The following OIT3 variants were observed in gnomAD, a reference collection of about 807,000 sequenced individuals.
OIT3 encodes oncoprotein-induced transcript 3 protein.
Under a neutral mutation model 52.2 loss-of-function variants are expected in OIT3, and 41 were observed. The observed-to-expected ratio is 0.79, with a 90% CI of 0.61 to 1.02. The LOEUF (loss-of-function observed/expected upper bound fraction) is 1.02. OIT3 is among the 50% of genes least tolerant of loss of function. The probability of loss-of-function intolerance (pLI) is 0.00; values close to 1 mark genes in which losing one functional copy is unlikely to be tolerated. For missense variants in OIT3, 634 were observed against 715.5 expected, an observed-to-expected ratio of 0.89 and a Z score of 1.30; for synonymous variants, 244 against 276.9, an observed-to-expected ratio of 0.88 and a Z score of 1.18.
chr10:72,905,633 A>T (rs1163506498), intron 3 of OIT3, among the ~76,000 whole-genome samples: 1 of 152,188 alleles, frequency 6.6e-6, no homozygotes, highest in African/African-American at 2.4e-5. Flanking sequence ...CTCAGCTTCA[A>T]GTTTCCCCAT....
intron 7 of OIT3, 35 bp from the exon 8 acceptor site, chr10:72,930,503 A>AATC: frequency 2.0e-6 from 3 of 1,468,446 alleles, no homozygotes; most frequent in Non-Finnish European, 2.9e-6. Flanking sequence ...CTGTTGAAAC[A>AATC]ATCAAGTCTT....
chr10:72,926,845 T>C (rs1316196237), intron 7 of OIT3, among the ~76,000 whole-genome samples: 1 of 152,196 alleles, frequency 6.6e-6, no homozygotes, highest in Non-Finnish European at 1.5e-5. Flanking sequence ...TTTTTACTTT[T>C]TTTAAAAAAT....
intron 6 of OIT3, chr10:72,918,366 A>C (rs759842414): frequency 3.9e-6 from 3 of 769,142 alleles, no homozygotes; most frequent in Non-Finnish European, 7.1e-6. Context: ...AACAATGTGC[A>C]ATTCGTCCTT....
chr10:72,931,272 C>T lies in OIT3; in HGVS notation c.1467+635C>T, dbSNP rs575368179. Among the ~76,000 whole-genome samples, 11 of 152,210 alleles carry T rather than the reference C, an allele frequency of 7.2e-5. No homozygotes were observed. The South Asian group carries it at 1.5e-3, about 20-fold the overall frequency. On this transcript the variant is annotated intron_variant, in intron 8 of 8. Coordinates refer to ENST00000334011, the MANE Select transcript of OIT3 (RefSeq NM_152635.3). ...AAACAAAACAGAGGCAGGAGAATTG[C>T]CTGAAGCCAGGAGTTTGAGACCAGC... is the stretch of plus-strand genomic sequence containing the variant.
intron 6 of OIT3, chr10:72,918,266 C>G: frequency 1.3e-6 from 1 of 798,418 alleles, no homozygotes; most frequent in Non-Finnish European, 2.2e-6. Context: ...TTTCAAAGCC[C>G]CCAAGAGAAA....
chr10:72,899,595 CAAAAA>C (rs57434990), intron 2 of OIT3, among the ~76,000 whole-genome samples: 2 of 88,972 alleles, frequency 2.2e-5, no homozygotes, highest in Non-Finnish European at 5.8e-5. Flanking sequence ...GACTCTGATT[CAAAAA>C]AAAAAAAAAA....
chr10:72,913,656 T>C (rs1445315927), intron 6 of OIT3, 188 bp downstream of exon 6: 2 of 688,558 alleles, frequency 2.9e-6, no homozygotes, highest in African/African-American at 3.5e-5. Flanking sequence ...GTCCTGGCAC[T>C]GTGAAGAATT....
Position 72,918,542 on chromosome 10 carries a change from C to T in OIT3, c.951+5074C>T, listed in dbSNP as rs189306800. ...GTCCATCGAATCTTCCATCGGGTGG[C>T]GGCACACACTTAGGTGGGAGAGAAG... is the stretch of plus-strand genomic sequence containing the variant. On this transcript the variant is annotated intron_variant, in intron 6 of 8. Transcript: ENST00000334011. The T allele has an allele frequency of 9.0e-5, 122 of 1,350,902 alleles. 2 individuals carry two copies. Among genetic ancestry groups the T allele is most frequent in the Admixed American group, 2.2e-4 (13 of 59,282 alleles). The allele number at this position is 1,350,902 out of a possible 1,614,324, so 83.7% of individuals were successfully genotyped here. A position where few individuals can be genotyped will look rare whatever the true frequency, so the allele number is the denominator to read the frequency against.
Position 72,924,495 on chromosome 10 carries a change from T to C in OIT3, c.1218T>C (p.Ala406=). Residue 406 remains alanine (A), a synonymous_variant, in exon 7 of 9, where the codon GCT becomes GCC. Coordinates refer to ENST00000334011, the MANE Select transcript of OIT3 (RefSeq NM_152635.3). ...DNEFEEPYRE[A]LPTLKLRDSL... ...AGTTTGAAGAGCCTTACCGGGAAGC[T>C]CTGCCCACCCTCAAGCTTCGTGACT... 3.1e-6 allele frequency: 5 copies of C among 1,614,196 alleles called. No homozygotes were observed. Among genetic ancestry groups the C allele is most frequent in the South Asian group, 1.1e-5 (1 of 91,086 alleles).
intron 5 of OIT3, among the ~76,000 whole-genome samples, chr10:72,912,551 A>T (rs551205593): frequency 4.5e-4 from 69 of 152,268 alleles, no homozygotes; most frequent in African/African-American, 1.6e-3. Context: ...GATTACAGAC[A>T]TAAGCCATCG....
rs1845902260 is a variant in OIT3 at position 72,898,974 on chromosome 10, C to T, written c.372C>T (p.Cys124=). 6.2e-7 allele frequency: 1 copy of T among 1,613,996 alleles called. No individual in the cohort carries two copies. The highest frequency in any genetic ancestry group is 1.3e-5 in the African/African-American group (1 of 74,930). The change falls in exon 2 of 9, where the codon TGC becomes TGT. Residue 124 remains cysteine, a synonymous_variant. Transcript: ENST00000334011. ...LWNTTVEVKA[C]PGGYYVYRLT... ...ACACCACGGTGGAAGTCAAGGCTTG[C>T]CCTGGAGGCTACTATGTGTATCGTC...
At position 72,898,992 on chromosome 10, in the gene OIT3, G is replaced by A; in HGVS notation, c.390G>A (p.Val130=). The change falls in exon 2 of 9, where the codon GTG becomes GTA. Residue 130 remains valine, a synonymous_variant. Coordinates refer to ENST00000334011, the MANE Select transcript of OIT3 (RefSeq NM_152635.3). ...AGGCTTGCCCTGGAGGCTACTATGT[G>A]TATCGTCTGACCAAGCCCAGCGTCT... ...EVKACPGGYY[V]YRLTKPSVCF... 1.9e-6 allele frequency: 3 copies of A among 1,613,964 alleles called. No homozygotes were observed. The highest frequency in any genetic ancestry group is 2.2e-5 in the South Asian group (2 of 91,076).
chr10:72,908,343 A>G (rs774728146), intron 4 of OIT3, among the ~76,000 whole-genome samples: 10 of 152,212 alleles, frequency 6.6e-5, no homozygotes, highest in Non-Finnish European at 1.2e-4. Flanking sequence ...TTATTTACAG[A>G]GGACATATAT....
At chr10:72,920,664 T>G (rs987475503) in intron 6 of OIT3, among the ~76,000 whole-genome samples, 2 of 152,234 alleles carry the variant, frequency 1.3e-5, no homozygotes, top group African/African-American at 4.8e-5. Context: ...AACTTCTTGT[T>G]TTCTGCTTAA....
In OIT3 at chr10:72,917,858, T is replaced by C. The variant is rs983106274; in HGVS notation, c.951+4390T>C. On this transcript the variant is annotated intron_variant, in intron 6 of 8. Transcript: ENST00000334011. The stretch of plus-strand genomic sequence containing the variant: ...TTTTGAAGGATTCTTGTCCTTTTGA[T>C]CTTGGTGTTGATGATGGTTTTGAGT... 1.0e-5 allele frequency: 13 copies of C among 1,304,918 alleles called. No individual in the cohort carries two copies. In the East Asian group the frequency reaches 2.8e-4, roughly 28 times the overall value. 80.8% of individuals were successfully genotyped at this position (1,304,918 alleles called of 1,614,324 possible).
In OIT3 at chr10:72,899,291, A is replaced by G. The variant is rs538883032; in HGVS notation, c.436+253A>G. On this transcript the variant is annotated intron_variant, in intron 2 of 8. Coordinates refer to ENST00000334011, the MANE Select transcript of OIT3 (RefSeq NM_152635.3). ...AATTTTGTCTGAATTCCATTCAAACAAAACATTAGAAAATGAAACATTGGG... is the reference window on the plus strand; with the variant it reads ...AATTTTGTCTGAATTCCATTCAAACGAAACATTAGAAAATGAAACATTGGG... Among the ~76,000 whole-genome samples the G allele has an allele frequency of 1.1e-4, 17 of 152,350 alleles. No individual in the cohort carries two copies. In the East Asian group the frequency reaches 3.3e-3, roughly 29 times the overall value.
At chr10:72,930,389 T>A (rs1385347868) in intron 7 of OIT3, 149 bp from the exon 8 acceptor site, 1 of 674,738 alleles carries the variant, frequency 1.5e-6, no homozygotes, top group African/African-American at 1.8e-5. Flanking sequence ...CAGGGAAAAA[T>A]TTAATTTTTC....
intron 2 of OIT3, 68 bp from the exon 3 acceptor site, chr10:72,900,300 CGCACCATCT>C: frequency 1.3e-6 from 1 of 790,356 alleles, no homozygotes; most frequent in Non-Finnish European, 2.1e-6. Context: ...CCCGACCCCC[CGCACCATCT>C]CTAAAAAGAA....
At chr10:72,913,172 C>T (rs540626522) in intron 5 of OIT3, 136 bp from the exon 6 acceptor site, 43 of 614,092 alleles carry the variant, frequency 7.0e-5, no homozygotes, top group South Asian at 1.5e-4. Context: ...TATTCACCAA[C>T]TTGTTTTCAG....
Sources: gnomAD v4.1 joint callset for allele counts (sites outside exome capture counted in the v4.1 genomes callset) on GRCh38, gnomAD v4.1.1 for gene constraint, MANE v1.5 for transcripts, NCBI Gene and HGNC (gene_info 2026-07-23, HGNC 2026-07-21) for gene names.